Variants in GPR158 observed in about 807,000 individuals in gnomAD.
The protein encoded by GPR158 is G protein-coupled receptor 158.
In GPR158, 30 loss-of-function variants were observed where a neutral mutation model predicts 78.2. The ratio of observed to expected loss-of-function variants is 0.38; its 90% CI spans 0.29 to 0.52. GPR158 has a LOEUF of 0.52. Ranked by LOEUF, GPR158 falls within the 20% of genes least tolerant of loss-of-function variation. The pLI is 0.83. For synonymous variants in GPR158, 581 were observed against 591.1 expected (o/e 0.98, Z 0.25); for missense variants, 1,463 against 1,523.5 (o/e 0.96, Z 0.66).
chr10:25,515,948 G>A (rs1836165107), intron 5 of GPR158, among the ~76,000 whole-genome samples: 2 of 151,654 alleles, frequency 1.3e-5, no homozygotes, highest in South Asian at 4.1e-4. Context: ...TCACCACACT[G>A]ACTTCCACAA....
chr10:25,582,606 A>G (rs12259380), intron 7 of GPR158, among the ~76,000 whole-genome samples: 11,928 of 152,188 alleles, frequency 0.078, 571 homozygotes, highest in African/African-American at 0.12. Flanking sequence ...TCAAGTCACT[A>G]TGTGACTTCA....
At chr10:25,479,502 C>A (rs372267944) in intron 5 of GPR158, among the ~76,000 whole-genome samples, 8 of 152,018 alleles carry the variant, frequency 5.3e-5, no homozygotes, top group Admixed American at 3.9e-4. Context: ...GCAACCTGTG[C>A]CTCCCGGGTT....
At chr10:25,255,260 GC>G (rs1440078632) in intron 2 of GPR158, among the ~76,000 whole-genome samples, 1 of 152,230 alleles carries the variant, frequency 6.6e-6, no homozygotes, top group African/African-American at 2.4e-5. Flanking sequence ...GCTCAGTTCA[GC>G]TTTGTCCATC....
intron 4 of GPR158, chr10:25,466,391 G>T (rs936626971): frequency 1.7e-5 from 6 of 362,204 alleles, no homozygotes; most frequent in Non-Finnish European, 2.5e-5. Context: ...AGCTGCTCAG[G>T]CTTTTTAATG....
chr10:25,341,558 C>A (rs574786563), intron 2 of GPR158, among the ~76,000 whole-genome samples: 31 of 151,774 alleles, frequency 2.0e-4, no homozygotes, highest in African/African-American at 7.5e-4. Flanking sequence ...AGAAAAAGAA[C>A]AAATATATAT....
Position 25,589,149 on chromosome 10 carries a change from A to G in GPR158, c.1892+4A>G. On this transcript the variant is annotated splice_donor_region_variant and intron_variant, in intron 8 of 10. Transcript: ENST00000376351. ...CTGCTATATTCCATACAATTAGGCA[A>G]GTGATCTGTAGAGCTAGTAAATAAC... 1 of 1,582,854 alleles carries G rather than the reference A, an allele frequency of 6.3e-7. No homozygotes were observed. The highest frequency in any genetic ancestry group is 2.3e-5 in the East Asian group (1 of 44,380).
At chr10:25,365,392 C>G (rs1486633998) in intron 2 of GPR158, among the ~76,000 whole-genome samples, 2 of 151,642 alleles carry the variant, frequency 1.3e-5, no homozygotes, top group East Asian at 1.9e-4. Flanking sequence ...GCCCTATGCC[C>G]TTTATTCTGT....
intron 4 of GPR158, among the ~76,000 whole-genome samples, chr10:25,455,495 C>T (rs924125488): frequency 4.6e-5 from 7 of 152,004 alleles, no homozygotes; most frequent in South Asian, 2.1e-4. Flanking sequence ...TTCTGTCTTT[C>T]GTGTCTTTCT....
intron 5 of GPR158, among the ~76,000 whole-genome samples, chr10:25,540,112 C>A (rs984408761): frequency 1.3e-5 from 2 of 151,996 alleles, no homozygotes; most frequent in Non-Finnish European, 2.9e-5. Flanking sequence ...AAGAAACAAC[C>A]CCATCAATAA....
At chr10:25,365,127 A>G (rs1855700892) in intron 2 of GPR158, among the ~76,000 whole-genome samples, 1 of 151,816 alleles carries the variant, frequency 6.6e-6, no homozygotes, top group African/African-American at 2.4e-5. Flanking sequence ...AACTAAGGAC[A>G]TATATACATC....
In GPR158 at chr10:25,597,843, C is replaced by A; in HGVS notation, c.2217C>A (p.His739Gln). ...AGAAGATGATCACAAACAACCCCCA[C>A]CTCCAGAAAAAGCGGTGCTCGAAGA... The part of the protein sequence containing the change: ...KRKKMITNNP[H>Q]LQKKRCSKKG... The change falls in exon 11 of 11, where the codon CAC becomes CAA. Residue 739 changes from histidine to glutamine, a missense_variant. His to Gln is a conservative substitution (Grantham distance 24, BLOSUM62 0). Transcript: ENST00000376351. 1 of 1,542,104 alleles carries A rather than the reference C, an allele frequency of 6.5e-7. No individual in the cohort carries two copies. Among genetic ancestry groups the A allele is most frequent in the Non-Finnish European group, 8.7e-7 (1 of 1,148,328 alleles).
intron 5 of GPR158, among the ~76,000 whole-genome samples, chr10:25,547,141 A>T (rs1005771359): frequency 6.6e-6 from 1 of 152,090 alleles, no homozygotes; most frequent in Non-Finnish European, 1.5e-5. Context: ...TTTGGTGGGG[A>T]AGATGAACTT....
intron 1 of GPR158, among the ~76,000 whole-genome samples, chr10:25,206,847 G>A (rs1215219436): frequency 8.4e-6 from 1 of 118,800 alleles, no homozygotes. Flanking sequence ...ATCCTACCTA[G>A]ATTTTACTTG....
intron 5 of GPR158, among the ~76,000 whole-genome samples, chr10:25,539,880 T>C (rs1442611838): frequency 6.6e-6 from 1 of 152,186 alleles, no homozygotes; most frequent in East Asian, 1.9e-4. Flanking sequence ...TTGAAGGACA[T>C]GCATTTTTAT....
chr10:25,398,679 C>T (rs570412783), intron 3 of GPR158, among the ~76,000 whole-genome samples: 1 of 152,296 alleles, frequency 6.6e-6, no homozygotes, highest in East Asian at 1.9e-4. Flanking sequence ...ACTGGACCTA[C>T]ACTCTAAGAA....
chr10:25,235,530 G>A (rs569275835), intron 2 of GPR158, among the ~76,000 whole-genome samples: 8 of 148,196 alleles, frequency 5.4e-5, no homozygotes, highest in African/African-American at 1.5e-4. Flanking sequence ...TCTTCAGTTC[G>A]TCATTCATCG....
rs67750453 is a variant in GPR158 at position 25,433,547 on chromosome 10, T to TGTGTTGTGTGTGTGTTGTG, written c.1335+21074_1335+21075insGTGTTGTGTGTGTGTTGTG. The stretch of plus-strand genomic sequence containing the variant: ...TTAGTTAGGGGTGTGTGTGTGTGTG[T>TGTGTTGTGTGTGTGTTGTG]TGTGTGTGTGTGTGTGTGTGTGTGC... On this transcript the variant is annotated intron_variant, in intron 4 of 10. Transcript: ENST00000376351. Among the ~76,000 whole-genome samples, 39 of 96,434 alleles carry TGTGTTGTGTGTGTGTTGTG rather than the reference T, an allele frequency of 4.0e-4. No homozygotes were observed. The Middle Eastern group carries it at 0.023, about 57-fold the overall frequency. 63.3% of individuals were successfully genotyped at this position (96,434 alleles called of 152,430 possible).
Position 25,487,134 on chromosome 10 carries a change from T to G in GPR158, c.1404+20415T>G, listed in dbSNP as rs539430255. ...ATATCTGTGGGTGCTGTTATTCTGC[T>G]TGCCACACCAGTCATAACATTCAAA... On this transcript the variant is annotated intron_variant, in intron 5 of 10. Coordinates refer to ENST00000376351, the MANE Select transcript of GPR158 (RefSeq NM_020752.3). 4.6e-5 allele frequency among the ~76,000 whole-genome samples: 7 copies of G among 152,228 alleles called. No homozygotes were observed. The South Asian group carries it at 1.5e-3, about 32-fold the overall frequency.
At chr10:25,489,091 CT>C (rs1564469552) in intron 5 of GPR158, among the ~76,000 whole-genome samples, 1 of 152,054 alleles carries the variant, frequency 6.6e-6, no homozygotes, top group Non-Finnish European at 1.5e-5. Context: ...TAGACAAAAA[CT>C]TGTTGGCCTG....
Sources: allele counts gnomAD v4.1 joint callset (sites outside exome capture counted in the v4.1 genomes callset), GRCh38; gene constraint gnomAD v4.1.1; transcripts MANE v1.5; gene names NCBI Gene and HGNC (gene_info 2026-07-23, HGNC 2026-07-21).